Variants in STAB2 observed in about 807,000 individuals in gnomAD.
STAB2 encodes the protein stabilin-2.
In STAB2, 288 loss-of-function variants were observed where a neutral mutation model predicts 338.1. The ratio of observed to expected loss-of-function variants is 0.85; its 90% CI spans 0.77 to 0.94. The LOEUF (loss-of-function observed/expected upper bound fraction) is 0.94, where lower values mean the gene tolerates loss of function less well. STAB2 is among the 40% of genes least tolerant of loss of function. The pLI is 0.00. For synonymous variants in STAB2, 1,202 were observed against 1,193.3 expected, an observed-to-expected ratio of 1.01 and a Z score of -0.15; for missense variants, 3,141 against 3,210.1, an observed-to-expected ratio of 0.98 and a Z score of 0.52.
At chr12:103,588,032 TA>T (rs1315417429) in intron 1 of STAB2, among the ~76,000 whole-genome samples, 1 of 152,118 alleles carries the variant, frequency 6.6e-6, no homozygotes, top group Non-Finnish European at 1.5e-5. Context: ...CACAGAGCTG[TA>T]GTAAAAGTTC....
chr12:103,614,708 C>T (rs1469381338), intron 3 of STAB2, among the ~76,000 whole-genome samples: 1 of 152,162 alleles, frequency 6.6e-6, no homozygotes, highest in Non-Finnish European at 1.5e-5. Context: ...GCTGATACAC[C>T]ACACAACCAT....
chr12:103,719,802 C>T (rs553714224), intron 44 of STAB2, among the ~76,000 whole-genome samples: 108 of 152,356 alleles, frequency 7.1e-4, no homozygotes, highest in African/African-American at 2.5e-3. Context: ...AAGGCCCTTG[C>T]CCAAGGCCAC....
chr12:103,741,018 T>C (rs1194965384), intron 55 of STAB2, among the ~76,000 whole-genome samples: 1 of 152,232 alleles, frequency 6.6e-6, no homozygotes, highest in Non-Finnish European at 1.5e-5. Context: ...ACATTTATTA[T>C]GGTGCTAAAT....
intron 3 of STAB2, among the ~76,000 whole-genome samples, chr12:103,618,624 G>A (rs1957248196): frequency 6.6e-6 from 1 of 152,156 alleles, no homozygotes; most frequent in African/African-American, 2.4e-5. Flanking sequence ...GCAGGAAGGT[G>A]GTCACTTCAG....
chr12:103,625,124 G>A (rs1484394224), intron 5 of STAB2, among the ~76,000 whole-genome samples: 1 of 152,170 alleles, frequency 6.6e-6, no homozygotes, highest in Non-Finnish European at 1.5e-5. Context: ...ATATTGAAAT[G>A]GGAAGGAGTA....
At chr12:103,612,760 C>T (rs1957145584) in intron 3 of STAB2, among the ~76,000 whole-genome samples, 1 of 152,172 alleles carries the variant, frequency 6.6e-6, no homozygotes, top group Non-Finnish European at 1.5e-5. Flanking sequence ...GGGAGAGGTG[C>T]TCTGATTTTT....
intron 6 of STAB2, among the ~76,000 whole-genome samples, chr12:103,633,730 C>T (rs1219497923): frequency 2.0e-5 from 3 of 152,168 alleles, no homozygotes; most frequent in African/African-American, 4.8e-5. Context: ...GGTGCTAAGT[C>T]CACTAATCGT....
At chr12:103,660,211 T>C (rs1363293713) in intron 15 of STAB2, 120 bp from the exon 16 acceptor site, 25 of 1,066,640 alleles carry the variant, frequency 2.3e-5, no homozygotes, top group Admixed American at 5.5e-5. Context: ...TCACCCTGGA[T>C]TTCCCAATAG....
At chr12:103,735,156 C>G (rs1270361914) in intron 51 of STAB2, among the ~76,000 whole-genome samples, 1 of 152,126 alleles carries the variant, frequency 6.6e-6, no homozygotes, top group East Asian at 1.9e-4. Context: ...ATAACTGCAT[C>G]CTATGTCATT....
chr12:103,713,923 C>T (rs1474221923), intron 42 of STAB2, among the ~76,000 whole-genome samples, 155 bp downstream of exon 42: 2 of 152,158 alleles, frequency 1.3e-5, no homozygotes, highest in African/African-American at 2.4e-5. Flanking sequence ...GAAAAGTGAC[C>T]ACAGGGTATG....
chr12:103,591,172 TAA>T, intron 2 of STAB2, 142 bp downstream of exon 2: 2 of 1,128,938 alleles, frequency 1.8e-6, no homozygotes, highest in Non-Finnish European at 2.5e-6. Context: ...TTTATGAACT[TAA>T]GTCTAAAATA....
chr12:103,746,726 G>T, intron 58 of STAB2, 22 bp downstream of exon 58: 1 of 1,610,696 alleles, frequency 6.2e-7, no homozygotes, highest in Non-Finnish European at 8.5e-7. Context: ...TTGTGCACAG[G>T]TGAAATAGCA....
At chr12:103,740,451 G>A (rs916935135) in intron 54 of STAB2, among the ~76,000 whole-genome samples, 179 bp from the exon 55 acceptor site, 4 of 152,192 alleles carry the variant, frequency 2.6e-5, no homozygotes, top group South Asian at 4.2e-4. Flanking sequence ...CCCTATCTGC[G>A]TGTTTCTGTT....
chr12:103,652,738 T>A (rs768299491), intron 12 of STAB2, 33 bp downstream of exon 12: 1 of 1,524,204 alleles, frequency 6.6e-7, no homozygotes, highest in Admixed American at 2.1e-5. Flanking sequence ...CTCCCAGAAC[T>A]AAATTATCCA....
At chr12:103,765,823 C>T (rs1009694363) in intron 68 of STAB2, among the ~76,000 whole-genome samples, 1 of 152,234 alleles carries the variant, frequency 6.6e-6, no homozygotes, top group African/African-American at 2.4e-5. Flanking sequence ...ATTACAGGCG[C>T]GAGCCACCAT....
chr12:103,668,097 ATG>A (rs1875337296), intron 19 of STAB2, among the ~76,000 whole-genome samples: 2 of 152,376 alleles, frequency 1.3e-5, no homozygotes, highest in Non-Finnish European at 1.5e-5. Context: ...CATCTGTGCA[ATG>A]TGTCTGGCCC....
At position 103,731,611 on chromosome 12, in the gene STAB2, C is replaced by T; in HGVS notation, c.5259C>T (p.Tyr1753=). Residue 1753 remains tyrosine (Y), a synonymous_variant, in exon 50 of 69, where the codon TAC becomes TAT. Coordinates refer to ENST00000388887, the MANE Select transcript of STAB2 (RefSeq NM_017564.10). ...NLTTLATNNG[Y]IKFSNLIQDS... ...CGACTTTGGCAACAAACAATGGCTA[C>T]ATCAAATTTAGCAACTTAATACAGG... 6.2e-6 allele frequency: 10 copies of T among 1,613,836 alleles called. No individual in the cohort carries two copies. Among genetic ancestry groups the T allele is most frequent in the Non-Finnish European group, 7.6e-6 (9 of 1,179,928 alleles).
chr12:103,601,311 G>A (rs1167964149), intron 3 of STAB2, among the ~76,000 whole-genome samples: 1 of 152,216 alleles, frequency 6.6e-6, no homozygotes, highest in African/African-American at 2.4e-5. Flanking sequence ...CTTTAAAGGG[G>A]CTGGGCGAGG....
Position 103,640,188 on chromosome 12 carries a change from T to G in STAB2, c.972T>G (p.Asp324Glu), listed in dbSNP as rs761913490. The G allele has an allele frequency of 3.3e-5, 53 of 1,613,796 alleles. No homozygotes were observed. Among genetic ancestry groups the G allele is most frequent in the Non-Finnish European group, 4.0e-5 (47 of 1,179,870 alleles). The change falls in exon 9 of 69, where the codon GAT (aspartate) becomes GAG (glutamate). Residue 324 changes from aspartate (D) to glutamate (E), a missense_variant. Physicochemically the swap from Asp to Glu is conservative, Grantham distance 45 (BLOSUM62 2). Coordinates refer to ENST00000388887, the MANE Select transcript of STAB2 (RefSeq NM_017564.10). ...FVPGVGCSMT[D>E]ICKSDNPCHR... Reference sequence around the variant, plus strand: ...CTGGAGTGGGGTGCAGTATGACTGATATATGTAAATCAGATAACCCGTGTC... The same window carrying G: ...CTGGAGTGGGGTGCAGTATGACTGAGATATGTAAATCAGATAACCCGTGTC...
Sources: allele counts gnomAD v4.1 joint callset (sites outside exome capture counted in the v4.1 genomes callset), GRCh38; gene constraint gnomAD v4.1.1; transcripts MANE v1.5; gene names NCBI Gene and HGNC (gene_info 2026-07-23, HGNC 2026-07-21).